EFHC2: variants seen among roughly 807,000 people sequenced by gnomAD.
EFHC2 encodes EF-hand domain containing 2, also known as EF-hand domain-containing family member C2.
In EFHC2, 18 loss-of-function variants were observed where a neutral mutation model predicts 52.7. That is an observed-to-expected ratio of 0.34 (90% CI 0.24 to 0.51). The LOEUF (loss-of-function observed/expected upper bound fraction) is 0.51. Ranked by LOEUF, EFHC2 falls within the 20% of genes least tolerant of loss-of-function variation. EFHC2 has a pLI of 0.97. For missense variants in EFHC2, 513 were observed against 562.5 expected, an observed-to-expected ratio of 0.91 and a Z score of 0.89; for synonymous variants, 203 against 204.1, an observed-to-expected ratio of 0.99 and a Z score of 0.04.
chrX:44,315,806 C>T (rs2037979425), intron 1 of EFHC2, among the ~76,000 whole-genome samples: 3 of 110,597 alleles, frequency 2.7e-5, no homozygotes, highest in Admixed American at 9.7e-5. Context: ...GCTGACAGCA[C>T]CTAGGAGAGG....
chrX:44,213,325 C>G (rs750751262), intron 11 of EFHC2, among the ~76,000 whole-genome samples: 1 of 111,327 alleles, frequency 9.0e-6, no homozygotes, highest in Non-Finnish European at 1.9e-5. Flanking sequence ...CGATAAAAAG[C>G]GTCAAATTCT....
intron 14 of EFHC2, among the ~76,000 whole-genome samples, chrX:44,162,706 T>G (rs1268996142): frequency 1.8e-5 from 2 of 111,198 alleles, no homozygotes; most frequent in Admixed American, 1.9e-4. Context: ...CCTACCTTGC[T>G]AACTCTTACT....
At chrX:44,264,355 G>A (rs1017147875) in intron 3 of EFHC2, among the ~76,000 whole-genome samples, 1 of 111,616 alleles carries the variant, frequency 9.0e-6, no homozygotes, top group Non-Finnish European at 1.9e-5. Flanking sequence ...CTCTCTCCTC[G>A]AAGGGGAAAT....
chrX:44,297,290 T>C (rs908203112), intron 2 of EFHC2, among the ~76,000 whole-genome samples: 3 of 111,330 alleles, frequency 2.7e-5, no homozygotes, highest in South Asian at 3.8e-4. Context: ...TAAGGAGGTA[T>C]TGCAGGCAGG....
intron 11 of EFHC2, among the ~76,000 whole-genome samples, chrX:44,186,615 G>T (rs1296622921): frequency 1.8e-5 from 2 of 111,302 alleles, no homozygotes; most frequent in Non-Finnish European, 3.8e-5. Context: ...ACCATGGTGA[G>T]CTCTGTGACA....
Position 44,173,400 on chromosome X carries a change from T to C in EFHC2, c.2042+2892A>G, listed in dbSNP as rs756975175. ...CTCTGGTCAGGGCTCTGTAAAGCCCTGTGGAGTCTGTGGGGAACAATAAGA... is the reference window on the plus strand; with the variant it reads ...CTCTGGTCAGGGCTCTGTAAAGCCCCGTGGAGTCTGTGGGGAACAATAAGA... On this transcript the variant is annotated intron_variant, in intron 13 of 14. Transcript: ENST00000420999. 3.2e-3 allele frequency among the ~76,000 whole-genome samples: 362 copies of C among 111,867 alleles called. 1 individual carries two copies. The highest frequency in any genetic ancestry group is 0.011 in the African/African-American group (344 of 30,796).
chrX:44,208,412 T>C (rs1406478566), intron 11 of EFHC2, among the ~76,000 whole-genome samples: 1 of 111,851 alleles, frequency 8.9e-6, no homozygotes, highest in Non-Finnish European at 1.9e-5. Context: ...CCACATATTG[T>C]CACTTGTAAG....
chrX:44,164,218 T>C (rs1043958729), intron 13 of EFHC2, among the ~76,000 whole-genome samples, 191 bp from the exon 14 acceptor site: 3 of 112,197 alleles, frequency 2.7e-5, no homozygotes, highest in African/African-American at 9.7e-5. Context: ...ATCTTGCCTA[T>C]CTAATTCATC....
At chrX:44,212,823 C>T (rs1280520749) in intron 11 of EFHC2, among the ~76,000 whole-genome samples, 4 of 110,642 alleles carry the variant, frequency 3.6e-5, no homozygotes, top group African/African-American at 9.9e-5. Context: ...GTGATTCTCC[C>T]GCCTCAGCCT....
intron 1 of EFHC2, among the ~76,000 whole-genome samples, chrX:44,338,913 A>G (rs1385859909): frequency 1.8e-5 from 2 of 111,817 alleles, no homozygotes; most frequent in African/African-American, 6.5e-5. Context: ...AAGAGCGGCC[A>G]GGCGCGGTGG....
intron 8 of EFHC2, among the ~76,000 whole-genome samples, chrX:44,240,564 C>T (rs746483007): frequency 3.0e-4 from 34 of 112,153 alleles, no homozygotes; most frequent in African/African-American, 1.1e-3. Context: ...CCGCCTCCTT[C>T]GGGTGGCTGT....
chrX:44,311,247 C>T (rs1269355312), intron 2 of EFHC2, among the ~76,000 whole-genome samples: 1 of 111,233 alleles, frequency 9.0e-6, no homozygotes, highest in Non-Finnish European at 1.9e-5. Context: ...AGGAAGCCTC[C>T]CTGTGGTCTG....
At chrX:44,333,048 GC>G (rs1384217873) in intron 1 of EFHC2, among the ~76,000 whole-genome samples, 3 of 111,541 alleles carry the variant, frequency 2.7e-5, no homozygotes, top group Non-Finnish European at 5.6e-5. Flanking sequence ...AACCATGGTT[GC>G]TGCAGGTAGA....
chrX:44,312,929 AAATTT>A (rs2037957689), intron 1 of EFHC2, among the ~76,000 whole-genome samples, 173 bp from the exon 2 acceptor site: 1 of 111,866 alleles, frequency 8.9e-6, no homozygotes, highest in Non-Finnish European at 1.9e-5. Context: ...TCACATTCTT[AAATTT>A]AATTCATTTT....
intron 7 of EFHC2, among the ~76,000 whole-genome samples, chrX:44,246,590 G>A (rs2037402769): frequency 9.0e-6 from 1 of 111,268 alleles, no homozygotes; most frequent in Non-Finnish European, 1.9e-5. Context: ...ACAAGGACTC[G>A]ACTGAAATGG....
At chrX:44,295,939 T>G (rs1486433986) in intron 2 of EFHC2, among the ~76,000 whole-genome samples, 2 of 111,519 alleles carry the variant, frequency 1.8e-5, no homozygotes, top group African/African-American at 6.5e-5. Flanking sequence ...CACTTAGACC[T>G]CCAAGGAAAA....
chrX:44,320,418 G>A (rs2038010950), intron 1 of EFHC2, among the ~76,000 whole-genome samples: 1 of 112,083 alleles, frequency 8.9e-6, no homozygotes, highest in Admixed American at 9.4e-5. Context: ...CAAAAGGGCT[G>A]GTAGTAGACT....
rs181089035 is a variant in EFHC2 at position 44,267,508 on chromosome X, C to T, written c.382+5178G>A. On this transcript the variant is annotated intron_variant, in intron 3 of 14. Transcript: ENST00000420999. ...TTGTTTCTGGCTGATTCCAAACTCC[C>T]CCCACCCTAAAAAATTACATGATAA... Among the ~76,000 whole-genome samples, 20 of 111,465 alleles carry T rather than the reference C, an allele frequency of 1.8e-4. No homozygotes were observed. The East Asian group carries it at 5.4e-3, about 30-fold the overall frequency.
intron 1 of EFHC2, among the ~76,000 whole-genome samples, chrX:44,321,029 T>C (rs747300655): frequency 3.8e-4 from 43 of 111,778 alleles, no homozygotes; most frequent in African/African-American, 2.3e-4. Context: ...ACTGGGGATA[T>C]TGCAATAGTC....
Sources: gnomAD v4.1 joint callset for allele counts (sites outside exome capture counted in the v4.1 genomes callset) on GRCh38, gnomAD v4.1.1 for gene constraint, MANE v1.5 for transcripts, NCBI Gene and HGNC (gene_info 2026-07-23, HGNC 2026-07-21) for gene names.